Variants in PRKCH observed in about 807,000 individuals in gnomAD.
The protein encoded by PRKCH is protein kinase C eta type.
PRKCH carries 28 observed loss-of-function variants against 82.5 expected under a neutral mutation model. The observed-to-expected ratio is 0.34, with a 90% CI of 0.25 to 0.47. The LOEUF (loss-of-function observed/expected upper bound fraction) is 0.47, where lower values mean the gene tolerates loss of function less well. Among genes scored for constraint, PRKCH ranks in the 20% least tolerant of loss-of-function variants. The pLI is 1.00. For synonymous variants in PRKCH, 322 were observed against 327.4 expected, an observed-to-expected ratio of 0.98 and a Z score of 0.18; for missense variants, 705 against 881.8, an observed-to-expected ratio of 0.80 and a Z score of 2.54.
intron 1 of PRKCH, among the ~76,000 whole-genome samples, chr14:61,366,245 A>G (rs186823198): frequency 7.9e-5 from 12 of 152,216 alleles, no homozygotes; most frequent in Admixed American, 5.9e-4. Flanking sequence ...AAGTTTGCCA[A>G]GTAGGATTTT....
chr14:61,196,378 T>G (rs978071103), intron 1 of PRKCH, among the ~76,000 whole-genome samples: 2 of 152,210 alleles, frequency 1.3e-5, no homozygotes, highest in African/African-American at 2.4e-5. Context: ...CTTTGGATGA[T>G]GATACTAGTT....
At chr14:61,523,929 G>T (rs996611815) in intron 10 of PRKCH, among the ~76,000 whole-genome samples, 2 of 152,254 alleles carry the variant, frequency 1.3e-5, no homozygotes, top group African/African-American at 4.8e-5. Flanking sequence ...TAGCGAGGGA[G>T]CATGTTTGGA....
intron 1 of PRKCH, among the ~76,000 whole-genome samples, chr14:61,200,168 T>C (rs1452485718): frequency 6.6e-6 from 1 of 152,022 alleles, no homozygotes; most frequent in Admixed American, 6.6e-5. Flanking sequence ...TCCATTTCTA[T>C]AGGAAGAGAC....
intron 12 of PRKCH, among the ~76,000 whole-genome samples, chr14:61,547,436 C>T (rs1414859261): frequency 6.6e-6 from 1 of 152,162 alleles, no homozygotes; most frequent in African/African-American, 2.4e-5. Context: ...TTATAAAGAG[C>T]TTCTTTTCTT....
chr14:61,428,309 G>T (rs1883229995), intron 2 of PRKCH, among the ~76,000 whole-genome samples: 1 of 151,878 alleles, frequency 6.6e-6, no homozygotes, highest in Non-Finnish European at 1.5e-5. Flanking sequence ...TAACAATAAG[G>T]GTCTATTCTG....
At chr14:61,233,005 C>G (rs2044757036) in intron 1 of PRKCH, among the ~76,000 whole-genome samples, 1 of 152,190 alleles carries the variant, frequency 6.6e-6, no homozygotes, top group Non-Finnish European at 1.5e-5. Flanking sequence ...CACCCCTACT[C>G]TTCAGACACC....
At chr14:61,499,061 G>A (rs1289163378) in intron 10 of PRKCH, among the ~76,000 whole-genome samples, 1 of 152,232 alleles carries the variant, frequency 6.6e-6, no homozygotes, top group Non-Finnish European at 1.5e-5. Flanking sequence ...GTTGTCATGC[G>A]TTTGGCTCAT....
chr14:61,439,267 AGTG>A (rs1883831729), intron 2 of PRKCH, among the ~76,000 whole-genome samples: 2 of 152,118 alleles, frequency 1.3e-5, no homozygotes, highest in African/African-American at 4.8e-5. Flanking sequence ...CCGATGGTGA[AGTG>A]GGGTTGGAGT....
chr14:61,420,951 G>A (rs532560210), intron 2 of PRKCH, among the ~76,000 whole-genome samples: 3 of 152,130 alleles, frequency 2.0e-5, no homozygotes, highest in African/African-American at 7.2e-5. Flanking sequence ...TCTGGCCCTA[G>A]ATAGGCTAAA....
At chr14:61,216,606 C>T (rs2044618202) in intron 1 of PRKCH, among the ~76,000 whole-genome samples, 1 of 152,262 alleles carries the variant, frequency 6.6e-6, no homozygotes, top group South Asian at 2.1e-4. Flanking sequence ...CAAATTTCAC[C>T]TCTACTTTTC....
At chr14:61,201,552 C>G (rs2044481834) in intron 1 of PRKCH, among the ~76,000 whole-genome samples, 1 of 151,930 alleles carries the variant, frequency 6.6e-6, no homozygotes, top group African/African-American at 2.4e-5. Flanking sequence ...CATTATCAAC[C>G]TTGATCACAT....
chr14:61,229,776 A>T (rs1253484831), intron 1 of PRKCH, among the ~76,000 whole-genome samples: 1 of 152,134 alleles, frequency 6.6e-6, no homozygotes, highest in African/African-American at 2.4e-5. Context: ...CATCGATAGA[A>T]ATGGGCTCTA....
At chr14:61,329,237 T>TTTTTCTTTTTC (rs1482635358) in intron 1 of PRKCH, among the ~76,000 whole-genome samples, 4 of 108,766 alleles carry the variant, frequency 3.7e-5, no homozygotes, top group Admixed American at 9.8e-5. Context: ...CCTGAGTCTT[T>TTTTTCTTTTTC]TTTTTTTTTT....
In PRKCH at chr14:61,445,722, C is replaced by T; in HGVS notation, c.609C>T (p.Cys203=). ...WGVFGKQGYQ[C]QVCTCVVHKR... ...TGTTTGGGAAACAGGGTTATCAGTG[C>T]CAAGGTAAGGAAACATTTTTAAAAC... is the stretch of plus-strand genomic sequence containing the variant. Residue 203 remains cysteine (C), a synonymous_variant, in exon 4 of 14, where the codon TGC becomes TGT. Coordinates refer to ENST00000332981, the MANE Select transcript of PRKCH (RefSeq NM_006255.5). 1 of 1,607,960 alleles carries T rather than the reference C, an allele frequency of 6.2e-7. No individual in the cohort carries two copies. Among genetic ancestry groups the T allele is most frequent in the Non-Finnish European group, 8.5e-7 (1 of 1,174,508 alleles).
chr14:61,265,165 T>C (rs1012863017), intron 1 of PRKCH, among the ~76,000 whole-genome samples: 5 of 152,186 alleles, frequency 3.3e-5, no homozygotes, highest in African/African-American at 1.2e-4. Flanking sequence ...CCTTGCAATT[T>C]TGACAATTGC....
At chr14:61,472,029 C>T (rs548879514) in intron 9 of PRKCH, among the ~76,000 whole-genome samples, 5 of 152,268 alleles carry the variant, frequency 3.3e-5, no homozygotes, top group African/African-American at 9.6e-5. Flanking sequence ...GGGCTCATTA[C>T]AGCTGTTGGT....
chr14:61,236,011 C>CT (rs539988763), intron 1 of PRKCH, among the ~76,000 whole-genome samples: 8 of 152,140 alleles, frequency 5.3e-5, no homozygotes, highest in South Asian at 2.1e-4. Context: ...TGATACCCTC[C>CT]TTTTTTTGGA....
At chr14:61,194,917 C>T (rs8007674) in intron 1 of PRKCH, among the ~76,000 whole-genome samples, 49,889 of 151,776 alleles carry the variant, frequency 0.33, 8,639 homozygotes, top group Admixed American at 0.42. Flanking sequence ...TATTTCTAGT[C>T]GAGACAGGGT....
intron 1 of PRKCH, among the ~76,000 whole-genome samples, chr14:61,337,385 G>A (rs1156924108): frequency 6.6e-6 from 1 of 151,972 alleles, no homozygotes; most frequent in African/African-American, 2.4e-5. Context: ...AAAATATGAA[G>A]TACTTTTTTT....
Sources: allele counts gnomAD v4.1 joint callset (sites outside exome capture counted in the v4.1 genomes callset), GRCh38; gene constraint gnomAD v4.1.1; transcripts MANE v1.5; gene names NCBI Gene and HGNC (gene_info 2026-07-23, HGNC 2026-07-21).